The following PNPLA2 variants were observed in gnomAD, a reference collection of about 807,000 sequenced individuals.
PNPLA2 encodes the protein patatin like domain 2, triacylglycerol lipase.
Under a neutral mutation model 39.7 loss-of-function variants are expected in PNPLA2, and 28 were observed. That is an observed-to-expected ratio of 0.70 (90% CI 0.52 to 0.97). The LOEUF (loss-of-function observed/expected upper bound fraction) is 0.97, where lower values mean the gene tolerates loss of function less well. PNPLA2 is among the 50% of genes least tolerant of loss of function. The pLI, the probability that PNPLA2 is intolerant of heterozygous loss-of-function variation, is 0.00. For synonymous variants in PNPLA2, 392 were observed against 321.1 expected (o/e 1.22, Z -2.36); for missense variants, 768 against 698.2 (o/e 1.10, Z -1.13).
intron 4 of PNPLA2, 176 bp downstream of exon 4, chr11:822,199 C>T (rs1467397580): frequency 1.3e-6 from 1 of 762,408 alleles, no homozygotes; most frequent in Non-Finnish European, 2.2e-6. Context: ...CCCCCCATCC[C>T]TTCCTCCGTC....
In PNPLA2 at chr11:824,025, C is replaced by T. The variant is rs972842032; in HGVS notation, c.947C>T (p.Thr316Met). The T allele has an allele frequency of 3.1e-6, 5 of 1,609,750 alleles. No individual in the cohort carries two copies. Among genetic ancestry groups the T allele is most frequent in the Admixed American group, 3.3e-5 (2 of 59,874 alleles). ...CTGCTGGAGGCCTGCGTGGAGCCCA[C>T]GGACCTGCTGACCACCCTCTCCAAC... Reference protein sequence around the residue: ...EALLEACVEPTDLLTTLSNML... With the variant: ...EALLEACVEPMDLLTTLSNML... Residue 316 changes from threonine to methionine, a missense_variant, in exon 8 of 10, where the codon ACG becomes ATG. Physicochemically the swap from Thr to Met is moderately conservative, Grantham distance 81 (BLOSUM62 -1). Transcript: ENST00000336615.
In PNPLA2 at chr11:824,922, A is replaced by G; in HGVS notation, c.*60A>G. On this transcript the variant is annotated 3_prime_UTR_variant, in exon 10 of 10. Transcript: ENST00000336615. ...GCCTCCATTACCACTGCGCAGTGAGATGAGGGGACTCACAGTTGCCAAGAG... is the reference window on the plus strand; with the variant it reads ...GCCTCCATTACCACTGCGCAGTGAGGTGAGGGGACTCACAGTTGCCAAGAG... The G allele has an allele frequency of 1.5e-6, 2 of 1,343,344 alleles. No individual in the cohort carries two copies. The highest frequency in any genetic ancestry group is 1.2e-5 in the South Asian group (1 of 80,242). The allele number at this position is 1,343,344 out of a possible 1,614,324, so 83.2% of individuals were successfully genotyped here. A position where few individuals can be genotyped will look rare whatever the true frequency, so the allele number is the denominator to read the frequency against.
At position 823,771 on chromosome 11, in the gene PNPLA2, G is replaced by A; in HGVS notation, c.835G>A (p.Val279Met). The A allele has an allele frequency of 6.3e-7, 1 of 1,598,716 alleles. No homozygotes were observed. The highest frequency in any genetic ancestry group is 8.5e-7 in the Non-Finnish European group (1 of 1,172,818). Residue 279 changes from valine to methionine, a missense_variant, in exon 7 of 10, where the codon GTG (valine) becomes ATG (methionine). By Grantham distance (21) the Val-to-Met change is conservative. Coordinates refer to ENST00000336615, the MANE Select transcript of PNPLA2 (RefSeq NM_020376.4). ...PHGPEDKDQA[V>M]ESAQAEDYSQ... ...CGGCCCAGAGGACAAGGACCAGGCA[G>A]TGGAGAGCGCCCAAGCGGAGGATTA...
chr11:824,398 G>A lies in PNPLA2; in HGVS notation c.1137G>A (p.Met379Ile). The change falls in exon 9 of 10, where the codon ATG (methionine) becomes ATA (isoleucine). Residue 379 changes from methionine (M) to isoleucine (I), a missense_variant. Physicochemically the swap from Met to Ile is conservative, Grantham distance 10. Transcript: ENST00000336615. ...QTGSICQYLV[M>I]RAKRKLGRHL... ...GCAGCATCTGCCAGTACCTGGTGAT[G>A]CGCGCCAAGAGGAAGCTGGGCAGGC... The A allele has an allele frequency of 1.9e-6, 3 of 1,554,260 alleles. No individual in the cohort carries two copies. Among genetic ancestry groups the A allele is most frequent in the Non-Finnish European group, 2.6e-6 (3 of 1,149,270 alleles).
intron 5 of PNPLA2, 55 bp from the exon 6 acceptor site, chr11:823,472 G>A (rs1845734845): frequency 1.3e-6 from 2 of 1,516,966 alleles, no homozygotes; most frequent in South Asian, 2.4e-5. Flanking sequence ...GGGATTCCAG[G>A]GGCAGAACGG....
intron 5 of PNPLA2, 41 bp downstream of exon 5, chr11:822,647 C>T (rs762057781): frequency 6.8e-7 from 1 of 1,481,396 alleles, no homozygotes; most frequent in Non-Finnish European, 9.4e-7. Flanking sequence ...CCAGCCACTC[C>T]TCACTGGGCA....
In PNPLA2 at chr11:824,594, G is replaced by A. The variant is rs1311535778; in HGVS notation, c.1247G>A (p.Arg416Lys). ...PSVPLSCAAY[R>K]EALPGWMRNN... is the part of the protein sequence containing the mutation. ...GTGCCGCTGTCCTGCGCCGCCTACA[G>A]AGAGGCACTGCCCGGCTGGATGCGC... is the stretch of plus-strand genomic sequence containing the variant. Residue 416 changes from arginine to lysine, a missense_variant, in exon 10 of 10, where the codon AGA becomes AAA. Transcript: ENST00000336615. 6.3e-7 allele frequency: 1 copy of A among 1,588,200 alleles called. No individual in the cohort carries two copies. Among genetic ancestry groups the A allele is most frequent in the South Asian group, 1.1e-5 (1 of 88,522 alleles).
At position 823,809 on chromosome 11, in the gene PNPLA2, C is replaced by T. The variant is rs1135628; in HGVS notation, c.873C>T (p.Pro291=). The T allele has an allele frequency of 1.9e-6, 3 of 1,601,508 alleles. No individual in the cohort carries two copies. The highest frequency in any genetic ancestry group is 2.6e-6 in the Non-Finnish European group (3 of 1,174,850). The part of the protein sequence containing the change: ...SAQAEDYSQL[P]GEDHILEHLP... ...AAGCGGAGGATTACTCGCAGCTGCC[C>T]GGAGAAGATCACATCCTGGAGCACC... Residue 291 remains proline (P), a synonymous_variant, in exon 7 of 10, where the codon CCC becomes CCT. Transcript: ENST00000336615.
chr11:825,330 T>C lies in PNPLA2; in HGVS notation c.*468T>C. The C allele has an allele frequency of 4.2e-6, 1 of 240,688 alleles. No individual in the cohort carries two copies. The highest frequency in any genetic ancestry group is 5.4e-5 in the Admixed American group (1 of 18,604). The allele number at this position is 240,688 out of a possible 1,614,324, so 14.9% of individuals were successfully genotyped here. A position where few individuals can be genotyped will look rare whatever the true frequency, so the allele number is the denominator to read the frequency against. The stretch of plus-strand genomic sequence containing the variant: ...AGCCTCTCCACAGCTGCAGGCCAGG[T>C]CTCCCAGCGTCGCACTCCTGGGCCT... On this transcript the variant is annotated 3_prime_UTR_variant, in exon 10 of 10. Transcript: ENST00000336615.
intron 9 of PNPLA2, 42 bp from the exon 10 acceptor site, chr11:824,481 G>C: frequency 6.5e-7 from 1 of 1,545,702 alleles, no homozygotes; most frequent in Non-Finnish European, 8.7e-7. Flanking sequence ...CGGTGCTAGC[G>C]CCGGGAGCTG....
rs577940410 is a variant in PNPLA2 at position 820,046 on chromosome 11, G to A, written c.187+141G>A. On this transcript the variant is annotated intron_variant, in intron 2 of 9. Transcript: ENST00000336615. ...GTTCCGGTCCGCGCCTGGGGAACCC[G>A]GCGAGGATCCAATCCGGGTCGCTGG... is the stretch of plus-strand genomic sequence containing the variant. 76 of 583,904 alleles carry A rather than the reference G, an allele frequency of 1.3e-4. No individual in the cohort carries two copies. In the South Asian group the frequency reaches 3.3e-3, roughly 25 times the overall value. 36.2% of individuals were successfully genotyped at this position (583,904 alleles called of 1,614,324 possible).
rs1170047726 is a variant in PNPLA2, at chr11:821,978, C to T, written c.441C>T (p.Phe147=). The T allele has an allele frequency of 4.3e-6, 7 of 1,613,876 alleles. No homozygotes were observed. The highest frequency in any genetic ancestry group is 3.3e-5 in the Admixed American group (2 of 60,010). The change falls in exon 4 of 10, where the codon TTC becomes TTT. Residue 147 remains phenylalanine, a synonymous_variant. Transcript: ENST00000336615. ...ELIQANVCSG[F]IPVYCGLIPP... is the part of the protein sequence containing the mutation. ...TGAAGGCCAATGTCTGCAGCGGTTT[C>T]ATCCCCGTGTACTGTGGGCTCATCC...
chr11:823,665 C>T (rs763596325), intron 6 of PNPLA2, 29 bp from the exon 7 acceptor site: 2 of 1,604,216 alleles, frequency 1.2e-6, no homozygotes, highest in Non-Finnish European at 1.7e-6. Context: ...CGCTGATGAA[C>T]TGAGAATCCC....
chr11:819,508 T>TGTGCCG, intron 1 of PNPLA2, 66 bp from the exon 2 acceptor site: 1 of 1,241,936 alleles, frequency 8.1e-7, no homozygotes, highest in East Asian at 3.5e-5. Flanking sequence ...TTGGTCTTCG[T>TGTGCCG]GTGCCGGCCC....
Position 821,710 on chromosome 11 carries a change from G to T in PNPLA2, c.270G>T (p.Leu90=), listed in dbSNP as rs752618273. 9.9e-6 allele frequency: 16 copies of T among 1,613,852 alleles called. No homozygotes were observed. The highest frequency in any genetic ancestry group is 2.7e-5 in the African/African-American group (2 of 74,930). The change falls in exon 3 of 10, where the codon CTG becomes CTT. Residue 90 remains leucine, a synonymous_variant. Coordinates refer to ENST00000336615, the MANE Select transcript of PNPLA2 (RefSeq NM_020376.4). ...GCCCCCTGCACCCCTCCTTCAACCT[G>T]GTAAAGATCATCCGCAGTTTCCTGC... The part of the protein sequence containing the change: ...FLGPLHPSFN[L]VKIIRSFLLK...
rs75249344 is a variant in PNPLA2 at position 825,186 on chromosome 11, G to C, written c.*324G>C. On this transcript the variant is annotated 3_prime_UTR_variant, in exon 10 of 10. Coordinates refer to ENST00000336615, the MANE Select transcript of PNPLA2 (RefSeq NM_020376.4). ...TGTGTGTGAAGAATTATTTATTTTC[G>C]CCAAAGCACATGTAATAAATGCTGC... 6.4e-6 allele frequency: 3 copies of C among 472,178 alleles called. No homozygotes were observed. The highest frequency in any genetic ancestry group is 1.1e-5 in the Non-Finnish European group (3 of 261,440). 29.2% of individuals were successfully genotyped at this position (472,178 alleles called of 1,614,324 possible).
In PNPLA2 at chr11:821,687, C is replaced by G. The variant is rs2133847135; in HGVS notation, c.247C>G (p.Pro83Ala). 1.2e-6 allele frequency: 2 copies of G among 1,613,982 alleles called. No individual in the cohort carries two copies. The highest frequency in any genetic ancestry group is 1.7e-6 in the Non-Finnish European group (2 of 1,180,040). Residue 83 changes from proline (P) to alanine (A), a missense_variant, in exon 3 of 10, where the codon CCC (proline) becomes GCC (alanine). Coordinates refer to ENST00000336615, the MANE Select transcript of PNPLA2 (RefSeq NM_020376.4). Reference protein sequence around the residue: ...SKEARKRFLGPLHPSFNLVKI... With the variant: ...SKEARKRFLGALHPSFNLVKI... ...AGAGGCCCGGAAGCGGTTCCTGGGC[C>G]CCCTGCACCCCTCCTTCAACCTGGT...
intron 2 of PNPLA2, 124 bp from the exon 3 acceptor site, chr11:821,504 C>G (rs770826203): frequency 1.3e-4 from 96 of 751,344 alleles, no homozygotes; most frequent in Non-Finnish European, 2.0e-4. Flanking sequence ...TGAGCCAGGC[C>G]CCACATTCAC....
intron 5 of PNPLA2, among the ~76,000 whole-genome samples, chr11:823,008 A>G: frequency 6.7e-6 from 1 of 149,204 alleles, no homozygotes; most frequent in South Asian, 2.1e-4. Flanking sequence ...TATTTTTAGT[A>G]AAGAAATAGG....
Sources: allele counts gnomAD v4.1 joint callset (sites outside exome capture counted in the v4.1 genomes callset), GRCh38; gene constraint gnomAD v4.1.1; transcripts MANE v1.5; gene names NCBI Gene and HGNC (gene_info 2026-07-23, HGNC 2026-07-21).